The following ADAM23 variants were observed in gnomAD, a reference collection of about 807,000 sequenced individuals.
ADAM23 encodes disintegrin and metalloproteinase domain-containing protein 23.
In ADAM23, 33 loss-of-function variants were observed where a neutral mutation model predicts 120.1. The observed-to-expected ratio is 0.27, with a 90% CI of 0.21 to 0.37. ADAM23 has a LOEUF of 0.37. ADAM23 is among the 10% of genes least tolerant of loss of function. ADAM23 has a pLI of 1.00. For synonymous variants in ADAM23, 367 were observed against 375.2 expected (o/e 0.98, Z 0.25); for missense variants, 862 against 1,058.2 (o/e 0.81, Z 2.57).
chr2:206,471,605 C>T (rs1399269343), intron 2 of ADAM23, among the ~76,000 whole-genome samples: 1 of 151,988 alleles, frequency 6.6e-6, no homozygotes, highest in Admixed American at 6.5e-5. Context: ...ATTTTATTTC[C>T]ATTCTTTTAT....
At chr2:206,559,162 T>A (rs1414881037) in intron 10 of ADAM23, among the ~76,000 whole-genome samples, 1 of 152,142 alleles carries the variant, frequency 6.6e-6, no homozygotes, top group Non-Finnish European at 1.5e-5. Context: ...GCCAGGATGG[T>A]CTTGATCTCC....
chr2:206,528,691 T>A (rs964788849), intron 3 of ADAM23, among the ~76,000 whole-genome samples: 5 of 152,154 alleles, frequency 3.3e-5, no homozygotes, highest in Non-Finnish European at 7.4e-5. Context: ...GCTAAAGAAG[T>A]AGTGTCACGG....
intron 3 of ADAM23, among the ~76,000 whole-genome samples, chr2:206,519,004 A>G (rs941302424): frequency 6.6e-6 from 1 of 152,202 alleles, no homozygotes; most frequent in Non-Finnish European, 1.5e-5. Flanking sequence ...GATGACAATC[A>G]TACTCATATT....
intron 3 of ADAM23, among the ~76,000 whole-genome samples, chr2:206,485,456 G>A (rs1574491862): frequency 2.6e-5 from 4 of 152,168 alleles, no homozygotes; most frequent in South Asian, 4.1e-4. Context: ...GGAGGAATGA[G>A]CACATAAAGG....
chr2:206,549,951 T>G (rs1697478989), intron 8 of ADAM23, 144 bp from the exon 9 acceptor site: 1 of 445,070 alleles, frequency 2.2e-6, no homozygotes, highest in South Asian at 6.6e-5. Flanking sequence ...AAAATTTGCC[T>G]GACCAACTTT....
At position 206,548,299 on chromosome 2, in the gene ADAM23, A is replaced by G; in HGVS notation, c.812A>G (p.Gln271Arg). The G allele has an allele frequency of 6.2e-7, 1 of 1,612,526 alleles. No homozygotes were observed. The highest frequency in any genetic ancestry group is 8.5e-7 in the Non-Finnish European group (1 of 1,179,948). Reference protein sequence around the residue: ...MKNLTMERGDQWPFLSELQWL... With the variant: ...MKNLTMERGDRWPFLSELQWL... ...TCTGCAGCTATGGAAAGAGGTGACC[A>G]GTGGCCCTTTCTCTCTGAATTACAG... Residue 271 changes from glutamine (Q) to arginine (R), a missense_variant, in exon 8 of 26, where the codon CAG becomes CGG. Gln to Arg is a conservative substitution (Grantham distance 43, BLOSUM62 1). Coordinates refer to ENST00000264377, the MANE Select transcript of ADAM23 (RefSeq NM_003812.4).
intron 2 of ADAM23, among the ~76,000 whole-genome samples, chr2:206,472,099 C>T (rs1444909093): frequency 1.3e-5 from 2 of 152,146 alleles, no homozygotes; most frequent in African/African-American, 4.8e-5. Flanking sequence ...TGTATTGTTA[C>T]AGAGTCCTCC....
intron 2 of ADAM23, among the ~76,000 whole-genome samples, chr2:206,464,559 AGT>A (rs1369216597): frequency 1.3e-5 from 2 of 151,860 alleles, no homozygotes; most frequent in African/African-American, 4.8e-5. Flanking sequence ...TGGGTGACAG[AGT>A]GAGACTGTCT....
At chr2:206,601,037 G>GTATT (rs1250953391) in intron 24 of ADAM23, among the ~76,000 whole-genome samples, 2 of 152,140 alleles carry the variant, frequency 1.3e-5, no homozygotes, top group African/African-American at 4.8e-5. Flanking sequence ...AGGACAGAAT[G>GTATT]TATTTTAACT....
chr2:206,482,218 G>A (rs184837955), intron 3 of ADAM23, among the ~76,000 whole-genome samples: 81 of 152,310 alleles, frequency 5.3e-4, no homozygotes, highest in Non-Finnish European at 7.2e-4. Flanking sequence ...CAGCTTGGGT[G>A]TTCCTTACCA....
chr2:206,513,554 CAT>C (rs1247233546), intron 3 of ADAM23, among the ~76,000 whole-genome samples: 1 of 152,178 alleles, frequency 6.6e-6, no homozygotes, highest in African/African-American at 2.4e-5. Context: ...GTTTCCATAA[CAT>C]AAAAGTGCAA....
At chr2:206,455,895 C>A (rs1695287979) in intron 2 of ADAM23, among the ~76,000 whole-genome samples, 1 of 152,164 alleles carries the variant, frequency 6.6e-6, no homozygotes, top group Admixed American at 6.5e-5. Flanking sequence ...TGGTTAAAAT[C>A]ATTCGAGAGG....
Position 206,618,661 on chromosome 2 carries a change from C to G in ADAM23, c.*1034C>G, listed in dbSNP as rs1325817911. 3 of 152,014 alleles carry G rather than the reference C, an allele frequency of 2.0e-5. No individual in the cohort carries two copies. The highest frequency in any genetic ancestry group is 1.3e-4 in the Admixed American group (2 of 15,266). 9.4% of individuals were successfully genotyped at this position (152,014 alleles called of 1,614,324 possible). A position where few individuals can be genotyped will look rare whatever the true frequency, so the allele number is the denominator to read the frequency against. On this transcript the variant is annotated 3_prime_UTR_variant, in exon 26 of 26. Coordinates refer to ENST00000264377, the MANE Select transcript of ADAM23 (RefSeq NM_003812.4). ...TAGCCACAGATGCAGGGAGTTTGGG[C>G]ACAAAACACGTGCAGTTTAAAGTTG...
intron 3 of ADAM23, among the ~76,000 whole-genome samples, chr2:206,523,082 G>C (rs59299640): frequency 0.034 from 5,235 of 152,114 alleles, 286 homozygotes; most frequent in African/African-American, 0.12. Context: ...GCTGAGTGAG[G>C]GTTCTCAGCT....
At chr2:206,514,662 A>G (rs1268377316) in intron 3 of ADAM23, among the ~76,000 whole-genome samples, 1 of 152,208 alleles carries the variant, frequency 6.6e-6, no homozygotes, top group Non-Finnish European at 1.5e-5. Context: ...CTGCGGGTAA[A>G]ATGCTGTCAC....
At chr2:206,456,485 A>G (rs1351304011) in intron 2 of ADAM23, among the ~76,000 whole-genome samples, 1 of 152,126 alleles carries the variant, frequency 6.6e-6, no homozygotes, top group Non-Finnish European at 1.5e-5. Context: ...ATCCGTCCCC[A>G]TGATCCAGTC....
intron 2 of ADAM23, among the ~76,000 whole-genome samples, chr2:206,458,283 C>T (rs1695341940): frequency 1.3e-5 from 2 of 152,210 alleles, no homozygotes; most frequent in South Asian, 4.1e-4. Context: ...TAATGACTGA[C>T]CAGAGGCTTA....
At chr2:206,534,282 G>A (rs1388785808) in intron 4 of ADAM23, among the ~76,000 whole-genome samples, 2 of 152,054 alleles carry the variant, frequency 1.3e-5, no homozygotes, top group Admixed American at 6.5e-5. Context: ...GGGCCTTTGT[G>A]ACTAGTTTCC....
At position 206,560,044 on chromosome 2, in the gene ADAM23, T is replaced by C. The variant is rs1697730050; in HGVS notation, c.1095T>C (p.Pro365=). 1 of 1,614,166 alleles carries C rather than the reference T, an allele frequency of 6.2e-7. No individual in the cohort carries two copies. Among genetic ancestry groups the C allele is most frequent in the Non-Finnish European group, 8.5e-7 (1 of 1,180,002 alleles). The change falls in exon 11 of 26, where the codon CCT becomes CCC. Residue 365 remains proline, a synonymous_variant. Transcript: ENST00000264377. ...EKDQIDITTN[P]VQMLHEFSKY... Reference sequence around the variant, plus strand: ...ATCAGATTGACATCACCACCAACCCTGTGCAGATGCTCCATGAGTTCTCAA... The same window carrying C: ...ATCAGATTGACATCACCACCAACCCCGTGCAGATGCTCCATGAGTTCTCAA...
Sources: gnomAD v4.1 joint callset for allele counts (sites outside exome capture counted in the v4.1 genomes callset) on GRCh38, gnomAD v4.1.1 for gene constraint, MANE v1.5 for transcripts, NCBI Gene and HGNC (gene_info 2026-07-23, HGNC 2026-07-21) for gene names.